The following KDM7A variants were observed in gnomAD, a reference collection of about 807,000 sequenced individuals.
The protein encoded by KDM7A is lysine demethylase 7A.
In KDM7A, 28 loss-of-function variants were observed where a neutral mutation model predicts 114.8. The ratio of observed to expected loss-of-function variants is 0.24; its 90% CI spans 0.18 to 0.33. The LOEUF is 0.33. Among genes scored for constraint, KDM7A ranks in the 10% least tolerant of loss-of-function variants. The pLI, the probability that KDM7A is intolerant of heterozygous loss-of-function variation, is 1.00. For missense variants in KDM7A, 942 were observed against 1,142.5 expected (o/e 0.82, Z 2.53); for synonymous variants, 423 against 397.8 (o/e 1.06, Z -0.75).
intron 1 of KDM7A, among the ~76,000 whole-genome samples, chr7:140,140,620 A>G (rs1451423308): frequency 6.6e-6 from 1 of 152,124 alleles, no homozygotes; most frequent in African/African-American, 2.4e-5. Context: ...CTAAAAATAC[A>G]AAAATTAGCT....
At position 140,090,649 on chromosome 7, in the gene KDM7A, C is replaced by T. The variant is rs1326213369; in HGVS notation, c.*445G>A. 6.4e-6 allele frequency: 1 copy of T among 155,646 alleles called. No homozygotes were observed. Among genetic ancestry groups the T allele is most frequent in the Non-Finnish European group, 1.4e-5 (1 of 70,364 alleles). The allele number at this position is 155,646 out of a possible 1,614,324, so 9.6% of individuals were successfully genotyped here. A position where few individuals can be genotyped will look rare whatever the true frequency, so the allele number is the denominator to read the frequency against. On this transcript the variant is annotated 3_prime_UTR_variant, in exon 20 of 20. Coordinates refer to ENST00000397560, the MANE Select transcript of KDM7A (RefSeq NM_030647.2). ...ACACTATCAAAAATAATTTAAAAAC[C>T]TTCACATTCTTACATCTAAATTAGT... is the stretch of plus-strand genomic sequence containing the variant.
rs543742197 is a variant in KDM7A, at chr7:140,150,547, T to A, written c.195-11357A>T. ...TGTAAAGCAACAAAAGCCAGGTGCG[T>A]AACAGTTTGTATGCGATCCCCTCAT... On this transcript the variant is annotated intron_variant, in intron 1 of 19. Coordinates refer to ENST00000397560, the MANE Select transcript of KDM7A (RefSeq NM_030647.2). Among the ~76,000 whole-genome samples, 8 of 152,284 alleles carry A rather than the reference T, an allele frequency of 5.3e-5. No individual in the cohort carries two copies. The East Asian group carries it at 1.5e-3, about 29-fold the overall frequency.
chr7:140,176,957 GC>G lies in KDM7A; in HGVS notation c.-21del. On this transcript the variant is annotated 5_prime_UTR_variant, in exon 1 of 20. Transcript: ENST00000397560. This position sits in a 1 kb window ranked among gnomAD's most constrained non-coding sequence, Gnocchi z 4.4. ...GGCCATCTTTAAAAAACACACACAC[GC>G]TCGCTCGCTACTCCGCTCGCCGACT... 1 of 1,120,126 alleles carries G rather than the reference GC, an allele frequency of 8.9e-7. No individual in the cohort carries two copies. Among genetic ancestry groups the G allele is most frequent in the Non-Finnish European group, 1.1e-6 (1 of 915,024 alleles). The allele number at this position is 1,120,126 out of a possible 1,614,324, so 69.4% of individuals were successfully genotyped here. A position where few individuals can be genotyped will look rare whatever the true frequency, so the allele number is the denominator to read the frequency against.
chr7:140,156,649 T>A (rs1472102286), intron 1 of KDM7A, among the ~76,000 whole-genome samples: 1 of 152,220 alleles, frequency 6.6e-6, no homozygotes, highest in Non-Finnish European at 1.5e-5. Context: ...ATTTATCTAC[T>A]ATCTCCCATT....
intron 7 of KDM7A, among the ~76,000 whole-genome samples, chr7:140,122,662 G>C (rs1337061291): frequency 1.3e-5 from 2 of 152,192 alleles, no homozygotes; most frequent in Non-Finnish European, 2.9e-5. Flanking sequence ...CACTGGTCTG[G>C]ACAGTCTATA....
intron 1 of KDM7A, among the ~76,000 whole-genome samples, chr7:140,153,913 A>T (rs1223804054): frequency 6.6e-6 from 1 of 152,164 alleles, no homozygotes; most frequent in Non-Finnish European, 1.5e-5. Flanking sequence ...CTAATAGGTC[A>T]TGTAAGTTTA....
chr7:140,176,920 C>T lies in KDM7A; in HGVS notation c.18G>A (p.Ala6=). Residue 6 remains alanine, a synonymous_variant, in exon 1 of 20, where the codon GCG becomes GCA. Coordinates refer to ENST00000397560, the MANE Select transcript of KDM7A (RefSeq NM_030647.2). This position sits in a 1 kb window ranked among gnomAD's most constrained non-coding sequence, Gnocchi z 4.4. MAGAA[A]AVAAGAAAGA... Reference sequence around the variant, plus strand: ...CAGCTGCTGCTCCCGCGGCCACCGCCGCCGCCGCTCCGGCCATCTTTAAAA... The same window carrying T: ...CAGCTGCTGCTCCCGCGGCCACCGCTGCCGCCGCTCCGGCCATCTTTAAAA... 8.6e-7 allele frequency: 1 copy of T among 1,165,026 alleles called. No individual in the cohort carries two copies. The highest frequency in any genetic ancestry group is 1.1e-6 in the Non-Finnish European group (1 of 939,348). 72.2% of individuals were successfully genotyped at this position (1,165,026 alleles called of 1,614,324 possible).
chr7:140,167,870 C>T (rs769139712), intron 1 of KDM7A, among the ~76,000 whole-genome samples: 5 of 151,912 alleles, frequency 3.3e-5, no homozygotes, highest in Non-Finnish European at 7.4e-5. Flanking sequence ...AGAACATTTA[C>T]CACAAACAGC....
At chr7:140,097,223 C>A (rs896842192) in intron 15 of KDM7A, among the ~76,000 whole-genome samples, 176 bp from the exon 16 acceptor site, 1 of 151,976 alleles carries the variant, frequency 6.6e-6, no homozygotes, top group Admixed American at 6.6e-5. Flanking sequence ...GAACATACTA[C>A]CTTGATTAAA....
intron 12 of KDM7A, among the ~76,000 whole-genome samples, chr7:140,100,660 T>TTATATATATATATATATACACA (rs1818185318): frequency 2.7e-5 from 3 of 111,284 alleles, no homozygotes; most frequent in African/African-American, 7.0e-5. Context: ...TTTTAAAAAG[T>TTATATATATATATATATACACA]TATATATATA....
At chr7:140,153,100 C>T (rs1447478185) in intron 1 of KDM7A, among the ~76,000 whole-genome samples, 1 of 151,860 alleles carries the variant, frequency 6.6e-6, no homozygotes, top group East Asian at 2.0e-4. Context: ...CCTCGTGATC[C>T]GCCCACCTCG....
Position 140,107,571 on chromosome 7 carries a change from G to C in KDM7A, c.1428+3524C>G, listed in dbSNP as rs572401673. 9.9e-5 allele frequency among the ~76,000 whole-genome samples: 15 copies of C among 152,262 alleles called. 1 individual carries two copies. Among genetic ancestry groups the C allele is most frequent in the Admixed American group, 3.3e-4 (5 of 15,298 alleles). The stretch of plus-strand genomic sequence containing the variant: ...GATATGAAATTCTGGGTTGAAAATT[G>C]TTTTCTTCAAGAATGTTGAATATTG... On this transcript the variant is annotated intron_variant, in intron 11 of 19. Transcript: ENST00000397560.
chr7:140,159,744 T>A (rs1194205798), intron 1 of KDM7A, among the ~76,000 whole-genome samples: 3 of 152,082 alleles, frequency 2.0e-5, no homozygotes, highest in Admixed American at 6.6e-5. Context: ...CAAGAGGACC[T>A]CAGGACCCAT....
chr7:140,128,561 G>A (rs1406080786), intron 4 of KDM7A, among the ~76,000 whole-genome samples: 1 of 152,102 alleles, frequency 6.6e-6, no homozygotes, highest in African/African-American at 2.4e-5. Flanking sequence ...TGCTATCTAC[G>A]CAAATAGGTT....
intron 7 of KDM7A, among the ~76,000 whole-genome samples, chr7:140,120,809 G>A (rs1210022983): frequency 1.3e-5 from 2 of 152,110 alleles, no homozygotes; most frequent in Non-Finnish European, 2.9e-5. Flanking sequence ...GTCTCACTTT[G>A]TTGCCCAGGC....
intron 18 of KDM7A, 31 bp downstream of exon 18, chr7:140,094,025 C>A (rs1585135921): frequency 8.8e-6 from 11 of 1,248,852 alleles, no homozygotes; most frequent in Non-Finnish European, 1.1e-5. Context: ...CATTTTAAAT[C>A]TCCTTTTAAC....
intron 1 of KDM7A, among the ~76,000 whole-genome samples, chr7:140,145,887 A>G (rs547142674): frequency 6.6e-6 from 1 of 152,340 alleles, no homozygotes; most frequent in East Asian, 1.9e-4. Flanking sequence ...ATAAATCAGA[A>G]TGACTCCCAT....
At chr7:140,161,354 T>A (rs1425775844) in intron 1 of KDM7A, among the ~76,000 whole-genome samples, 2 of 152,210 alleles carry the variant, frequency 1.3e-5, no homozygotes, top group East Asian at 3.8e-4. Flanking sequence ...AAAGCCCCTG[T>A]TTCAAGGATA....
intron 1 of KDM7A, among the ~76,000 whole-genome samples, chr7:140,168,810 G>A (rs1794606873): frequency 6.6e-6 from 1 of 152,154 alleles, no homozygotes; most frequent in Admixed American, 6.5e-5. Flanking sequence ...GCAAATTCTT[G>A]GACTACTTTA....
Sources: gnomAD v4.1 joint callset for allele counts (sites outside exome capture counted in the v4.1 genomes callset) on GRCh38, gnomAD v4.1.1 for gene constraint, Gnocchi (gnomAD v3.1) non-coding constraint, MANE v1.5 for transcripts, NCBI Gene and HGNC (gene_info 2026-07-23, HGNC 2026-07-21) for gene names.